The following NFATC1 variants were observed in gnomAD, a reference collection of about 807,000 sequenced individuals.
The protein encoded by NFATC1 is nuclear factor of activated T-cells, cytoplasmic 1.
NFATC1 carries 22 observed loss-of-function variants against 76.0 expected under a neutral mutation model. That is an observed-to-expected ratio of 0.29 (90% CI 0.21 to 0.41). The LOEUF is 0.41. NFATC1 is among the 10% of genes least tolerant of loss of function. NFATC1 has a pLI of 1.00. For missense variants in NFATC1, 1,357 were observed against 1,337.7 expected (o/e 1.01, Z -0.23); for synonymous variants, 704 against 613.1 (o/e 1.15, Z -2.19).
chr18:79,470,608 G>C (rs528572990), intron 8 of NFATC1: 1 of 152,264 alleles, frequency 6.6e-6, no homozygotes, highest in African/African-American at 2.4e-5. Flanking sequence ...CGAGGTGTCC[G>C]GTGCTTGTGG....
rs61080448 is a variant in NFATC1, at chr18:79,465,061, A to C, written c.1960-2389A>C. On this transcript the variant is annotated intron_variant, in intron 7 of 9. Coordinates refer to ENST00000427363, the MANE Select transcript of NFATC1 (RefSeq NM_001278669.2). This position sits in a 1 kb window ranked among gnomAD's most constrained non-coding sequence, Gnocchi z 4.2. ...TGTGTCTACGGTTTTTGTACTTTCT[A>C]TAAGTAAGTGTATGAGCTTCATCTC... Among the ~76,000 whole-genome samples the C allele has an allele frequency of 2.4e-4, 37 of 152,006 alleles. No homozygotes were observed. The highest frequency in any genetic ancestry group is 8.7e-4 in the African/African-American group (36 of 41,420).
chr18:79,462,579 C>T (rs1369498745), intron 7 of NFATC1, among the ~76,000 whole-genome samples: 35 of 152,250 alleles, frequency 2.3e-4, no homozygotes. Flanking sequence ...GCTGGGATTA[C>T]AGGCATGAGC....
In NFATC1 at chr18:79,396,009, G is replaced by C; in HGVS notation, c.-216G>C. The C allele has an allele frequency of 3.0e-6, 1 of 334,846 alleles. No homozygotes were observed. Among genetic ancestry groups the C allele is most frequent in the East Asian group, 7.6e-5 (1 of 13,168 alleles). 20.7% of individuals were successfully genotyped at this position (334,846 alleles called of 1,614,324 possible). On this transcript the variant is annotated 5_prime_UTR_variant, in exon 1 of 10. Coordinates refer to ENST00000427363, the MANE Select transcript of NFATC1 (RefSeq NM_001278669.2). ...ATCCCAGCAGCAGGGCGCGGGCACC[G>C]GGGCGCGGGCAGGGCTCGGAGCCAC...
intron 3 of NFATC1, among the ~76,000 whole-genome samples, chr18:79,441,005 C>T (rs993081825): frequency 6.6e-6 from 1 of 152,226 alleles, no homozygotes; most frequent in African/African-American, 2.4e-5. Flanking sequence ...CCTCCCTCCT[C>T]CAGGCAGGAC....
intron 2 of NFATC1, 122 bp from the exon 3 acceptor site, chr18:79,433,457 G>C (rs754788524): frequency 4.3e-4 from 510 of 1,175,108 alleles, no homozygotes; most frequent in Non-Finnish European, 6.2e-4. Context: ...CCATCTCCAT[G>C]TCAGGACGTG....
intron 2 of NFATC1, among the ~76,000 whole-genome samples, chr18:79,429,085 G>C (rs1434663224): frequency 6.6e-6 from 1 of 152,122 alleles, no homozygotes; most frequent in Non-Finnish European, 1.5e-5. Flanking sequence ...AGCCGGTGTG[G>C]TGGTGGGCAC....
At position 79,486,294 on chromosome 18, in the gene NFATC1, A is replaced by G; in HGVS notation, c.2139A>G (p.Pro713=). ...CCACTGATGATTATGAGCCTGCTCC[A>G]ACCTGTGGACCGGTGAGCCAGGGGT... is the stretch of plus-strand genomic sequence containing the variant. ...TEPTDDYEPA[P]TCGPVSQGLS... is the part of the protein sequence containing the mutation. Residue 713 remains proline, a synonymous_variant, in exon 9 of 10, where the codon CCA becomes CCG. Coordinates refer to ENST00000427363, the MANE Select transcript of NFATC1 (RefSeq NM_001278669.2). 6.2e-7 allele frequency: 1 copy of G among 1,613,164 alleles called. No individual in the cohort carries two copies. The highest frequency in any genetic ancestry group is 1.1e-5 in the South Asian group (1 of 91,088).
chr18:79,443,123 A>G (rs2087049203), intron 3 of NFATC1, among the ~76,000 whole-genome samples: 1 of 152,138 alleles, frequency 6.6e-6, no homozygotes, highest in African/African-American at 2.4e-5. Context: ...GTCCCTCTAG[A>G]TTTGCTTTAC....
At chr18:79,510,717 T>C (rs2090223153) in intron 9 of NFATC1, among the ~76,000 whole-genome samples, 2 of 152,244 alleles carry the variant, frequency 1.3e-5, no homozygotes, top group South Asian at 4.1e-4. Flanking sequence ...GAATTTCTTC[T>C]AGAAGACAGG....
chr18:79,479,013 G>C (rs1399005867), intron 8 of NFATC1, among the ~76,000 whole-genome samples: 5 of 152,234 alleles, frequency 3.3e-5, no homozygotes, highest in African/African-American at 1.2e-4. Context: ...CGATGGGGCA[G>C]CCATCATGGA....
intron 1 of NFATC1, among the ~76,000 whole-genome samples, chr18:79,397,643 A>T (rs76137363): frequency 0.016 from 2,459 of 151,994 alleles, 31 homozygotes; most frequent in East Asian, 0.07. Flanking sequence ...AGTTTAAAAA[A>T]TTTTTTTTTG....
rs1028614087 is a variant in NFATC1 at position 79,528,189 on chromosome 18, CTT to C, written c.*615_*616del. ...AATCTTCCAGTCTGTCATCTCAGCT[CTT>C]TTGTAACATGCTTCCCTTGTCTGCG... is the stretch of plus-strand genomic sequence containing the variant. On this transcript the variant is annotated 3_prime_UTR_variant, in exon 10 of 10. Transcript: ENST00000427363. The C allele has an allele frequency of 2.7e-6, 1 of 369,080 alleles. No individual in the cohort carries two copies. The allele number at this position is 369,080 out of a possible 1,614,324, so 22.9% of individuals were successfully genotyped here.
At chr18:79,456,042 A>AC (rs1183089696) in intron 6 of NFATC1, among the ~76,000 whole-genome samples, 1 of 152,162 alleles carries the variant, frequency 6.6e-6, no homozygotes, top group East Asian at 1.9e-4. Flanking sequence ...CTGCCATGGG[A>AC]CCGTGACCGG....
intron 2 of NFATC1, among the ~76,000 whole-genome samples, chr18:79,429,585 G>A (rs190542672): frequency 3.3e-4 from 51 of 152,258 alleles, no homozygotes; most frequent in Non-Finnish European, 6.0e-4. Context: ...GGAAGCACGC[G>A]GAGTGGAGTG....
chr18:79,475,473 G>T (rs1480771774), intron 8 of NFATC1, among the ~76,000 whole-genome samples: 3 of 151,054 alleles, frequency 2.0e-5, no homozygotes, highest in Non-Finnish European at 4.4e-5. Context: ...TGAGGGAAGG[G>T]TGTTTTCACG....
chr18:79,471,665 C>T (rs571018367), intron 8 of NFATC1, among the ~76,000 whole-genome samples: 2 of 152,216 alleles, frequency 1.3e-5, no homozygotes, highest in African/African-American at 2.4e-5. Flanking sequence ...GTGGCCAGAG[C>T]CCCCTTCCTC....
At chr18:79,429,286 C>A (rs960300706) in intron 2 of NFATC1, among the ~76,000 whole-genome samples, 1 of 149,370 alleles carries the variant, frequency 6.7e-6, no homozygotes, top group African/African-American at 2.5e-5. Context: ...GCTCTGTGGG[C>A]GTCGGTCACC....
chr18:79,512,306 G>T (rs893585737), intron 9 of NFATC1, among the ~76,000 whole-genome samples: 5 of 152,182 alleles, frequency 3.3e-5, no homozygotes, highest in Non-Finnish European at 7.4e-5. Flanking sequence ...GCGTCTGACT[G>T]CAGCAAAATC....
intron 1 of NFATC1, among the ~76,000 whole-genome samples, chr18:79,400,055 C>T (rs1161120154): frequency 6.6e-6 from 1 of 151,930 alleles, no homozygotes. Flanking sequence ...GACGCCCCTA[C>T]CCCCGGGTCC....
Sources: allele counts gnomAD v4.1 joint callset (sites outside exome capture counted in the v4.1 genomes callset), GRCh38; gene constraint gnomAD v4.1.1; non-coding constraint Gnocchi (gnomAD v3.1); transcripts MANE v1.5; gene names NCBI Gene and HGNC (gene_info 2026-07-23, HGNC 2026-07-21).